Variants in MBD2 observed in about 807,000 individuals in gnomAD.
MBD2 encodes the protein methyl-CpG binding domain protein 2.
In MBD2, 9 loss-of-function variants were observed where a neutral mutation model predicts 39.3. That is an observed-to-expected ratio of 0.23 (90% CI 0.14 to 0.40). The LOEUF is 0.40. MBD2 is among the 10% of genes least tolerant of loss of function. MBD2 has a pLI of 1.00. For missense variants in MBD2, 458 were observed against 532.6 expected (o/e 0.86, Z 1.38); for synonymous variants, 233 against 211.1 (o/e 1.10, Z -0.90).
At chr18:54,188,080 G>T (rs2086296237) in intron 3 of MBD2, among the ~76,000 whole-genome samples, 2 of 152,116 alleles carry the variant, frequency 1.3e-5, no homozygotes, top group African/African-American at 4.8e-5. Context: ...GGTGGACTCA[G>T]GTGGGAGGAG....
chr18:54,154,999 G>A lies in MBD2; in HGVS notation c.*325C>T. On this transcript the variant is annotated 3_prime_UTR_variant, in exon 7 of 7. Transcript: ENST00000256429. ...TTCCTGATCTGTTCTTATTAAAACTGTGGGGGAAACAAATGTTTTACGTAA... is the reference window on the plus strand; with the variant it reads ...TTCCTGATCTGTTCTTATTAAAACTATGGGGGAAACAAATGTTTTACGTAA... 1 of 152,602 alleles carries A rather than the reference G, an allele frequency of 6.6e-6. No individual in the cohort carries two copies. The highest frequency in any genetic ancestry group is 1.5e-5 in the Non-Finnish European group (1 of 68,028). The allele number at this position is 152,602 out of a possible 1,614,324, so 9.5% of individuals were successfully genotyped here.
At chr18:54,183,538 A>T (rs143850598) in intron 3 of MBD2, among the ~76,000 whole-genome samples, 1 of 152,368 alleles carries the variant, frequency 6.6e-6, no homozygotes, top group African/African-American at 2.4e-5. Flanking sequence ...ATATTGTTTA[A>T]CGTTAAAGCA....
rs2144362998 is a variant in MBD2 at position 54,224,225 on chromosome 18, C to CCGT, written c.334_335insACG (p.Cys111_Gly112insAsp). 6 of 1,053,348 alleles carry CCGT rather than the reference C, an allele frequency of 5.7e-6. No individual in the cohort carries two copies. The highest frequency in any genetic ancestry group is 6.9e-6 in the Non-Finnish European group (6 of 875,386). 65.3% of individuals were successfully genotyped at this position (1,053,348 alleles called of 1,614,324 possible). ...GCCGCCGCCACCGCTGCCGCCGCCG[C>CCGT]CGCAGCCGCCGCCGTCGCCGCCAAG... On this transcript the variant is annotated inframe_insertion, in exon 1 of 7. Coordinates refer to ENST00000256429, the MANE Select transcript of MBD2 (RefSeq NM_003927.5).
chr18:54,211,061 C>T (rs1042325312), intron 1 of MBD2, among the ~76,000 whole-genome samples: 5 of 150,932 alleles, frequency 3.3e-5, no homozygotes, highest in East Asian at 1.9e-4. Flanking sequence ...TTAGTAGAGA[C>T]GGGGTTTCAC....
chr18:54,221,400 G>GATCACACCCAAGATCT (rs2086610961), intron 1 of MBD2, among the ~76,000 whole-genome samples: 1 of 150,276 alleles, frequency 6.7e-6, no homozygotes, highest in Admixed American at 6.7e-5. Context: ...AGGGCTTGTA[G>GATCACACCCAAGATCT]TGAGCCAAGA....
intron 3 of MBD2, among the ~76,000 whole-genome samples, chr18:54,180,572 A>T (rs1193047464): frequency 6.6e-6 from 1 of 152,168 alleles, no homozygotes; most frequent in Non-Finnish European, 1.5e-5. Context: ...AAGTAAAGAA[A>T]TAATGGCTAA....
At chr18:54,188,024 G>A (rs1042693336) in intron 3 of MBD2, among the ~76,000 whole-genome samples, 3 of 152,146 alleles carry the variant, frequency 2.0e-5, no homozygotes, top group African/African-American at 7.2e-5. Flanking sequence ...GGGAATACGA[G>A]AGCAAAAGAT....
intron 5 of MBD2, among the ~76,000 whole-genome samples, chr18:54,163,370 A>T (rs1440622969): frequency 2.0e-5 from 3 of 152,234 alleles, no homozygotes. Context: ...TACTCAAATT[A>T]AACTGATTTA....
intron 2 of MBD2, among the ~76,000 whole-genome samples, chr18:54,192,076 C>T (rs913667926): frequency 2.0e-5 from 3 of 152,130 alleles, no homozygotes; most frequent in South Asian, 2.1e-4. Flanking sequence ...TATGACATCT[C>T]GACCATTTGG....
chr18:54,186,911 T>A (rs2086290405), intron 3 of MBD2, among the ~76,000 whole-genome samples: 1 of 152,202 alleles, frequency 6.6e-6, no homozygotes, highest in Non-Finnish European at 1.5e-5. Flanking sequence ...TTTGGACACA[T>A]ACCTTTCATT....
At chr18:54,219,132 G>T (rs544481197) in intron 1 of MBD2, among the ~76,000 whole-genome samples, 1 of 152,214 alleles carries the variant, frequency 6.6e-6, no homozygotes, top group South Asian at 2.1e-4. Context: ...TTCAAATGCC[G>T]ATTTCTCACT....
intron 2 of MBD2, among the ~76,000 whole-genome samples, chr18:54,203,958 A>G (rs770879136): frequency 6.6e-6 from 1 of 152,248 alleles, no homozygotes; most frequent in African/African-American, 2.4e-5. Context: ...AATTTTACCA[A>G]TGAGAAACTG....
chr18:54,214,069 A>C (rs1205184130), intron 1 of MBD2, among the ~76,000 whole-genome samples: 3 of 151,040 alleles, frequency 2.0e-5, no homozygotes, highest in Admixed American at 6.6e-5. Context: ...TGGGACTATA[A>C]TAATGACTGT....
intron 2 of MBD2, among the ~76,000 whole-genome samples, chr18:54,193,598 G>C (rs1206046537): frequency 6.6e-6 from 1 of 151,638 alleles, no homozygotes; most frequent in Non-Finnish European, 1.5e-5. Context: ...TATATCTTTT[G>C]TACACTCCCA....
intron 6 of MBD2, among the ~76,000 whole-genome samples, chr18:54,156,482 C>T (rs1373354126): frequency 1.3e-5 from 2 of 152,126 alleles, no homozygotes; most frequent in Non-Finnish European, 2.9e-5. Flanking sequence ...AGTATAGTGC[C>T]AGTGCCTACA....
chr18:54,157,707 G>A (rs543346135), intron 6 of MBD2, among the ~76,000 whole-genome samples: 2 of 152,132 alleles, frequency 1.3e-5, no homozygotes, highest in South Asian at 4.2e-4. Context: ...GGGGATAATT[G>A]TGTTAACAAT....
At chr18:54,164,181 T>C (rs1027265405) in intron 5 of MBD2, among the ~76,000 whole-genome samples, 13 of 152,266 alleles carry the variant, frequency 8.5e-5, no homozygotes, top group African/African-American at 3.1e-4. Flanking sequence ...CCACTGTGTC[T>C]GGCAGAAAGA....
chr18:54,164,774 A>C, intron 4 of MBD2, 74 bp from the exon 5 acceptor site: 3 of 1,217,496 alleles, frequency 2.5e-6, no homozygotes, highest in Non-Finnish European at 3.5e-6. Flanking sequence ...ACATAAAACA[A>C]CTGATATTTT....
At chr18:54,223,033 TCA>T (rs1187214918) in intron 1 of MBD2, among the ~76,000 whole-genome samples, 1 of 152,218 alleles carries the variant, frequency 6.6e-6, no homozygotes, top group Non-Finnish European at 1.5e-5. Context: ...GAAAAATGCT[TCA>T]GTCAGTCCAC....
Sources: gnomAD v4.1 joint callset for allele counts (sites outside exome capture counted in the v4.1 genomes callset) on GRCh38, gnomAD v4.1.1 for gene constraint, MANE v1.5 for transcripts, NCBI Gene and HGNC (gene_info 2026-07-23, HGNC 2026-07-21) for gene names.